PDE3B: variants seen among roughly 807,000 people sequenced by gnomAD.
PDE3B encodes cGMP-inhibited 3',5'-cyclic phosphodiesterase 3B.
PDE3B carries 66 observed loss-of-function variants against 116.8 expected under a neutral mutation model. The observed-to-expected ratio is 0.56, with a 90% CI of 0.46 to 0.69. PDE3B has a LOEUF of 0.69. Among genes scored for constraint, PDE3B ranks in the 30% least tolerant of loss-of-function variants. The probability of loss-of-function intolerance (pLI) is 0.00; values close to 1 mark genes in which losing one functional copy is unlikely to be tolerated. For synonymous variants in PDE3B, 595 were observed against 533.6 expected (o/e 1.12, Z -1.59); for missense variants, 1,384 against 1,368.1 (o/e 1.01, Z -0.18).
At position 14,831,745 on chromosome 11, in the gene PDE3B, A is replaced by T; in HGVS notation, c.2062A>T (p.Met688Leu). The T allele has an allele frequency of 2.5e-6, 4 of 1,605,478 alleles. No homozygotes were observed. Among genetic ancestry groups the T allele is most frequent in the Non-Finnish European group, 3.4e-6 (4 of 1,174,540 alleles). The change falls in exon 9 of 16, where the codon ATG (methionine) becomes TTG (leucine). Residue 688 changes from methionine to leucine, a missense_variant. Around this residue, in one of 2 missense-constraint regions of PDE3B, gnomAD observed 428 missense variants for 561.4 expected, o/e 0.76. Transcript: ENST00000282096. ...TCCAATTTTTGAACTTGTAGAAAAGATGGGAGAGAAATCAGGAAGGATTCT... is the reference window on the plus strand; with the variant it reads ...TCCAATTTTTGAACTTGTAGAAAAGTTGGGAGAGAAATCAGGAAGGATTCT... Reference protein sequence around the residue: ...NFPIFELVEKMGEKSGRILSQ... With the variant: ...NFPIFELVEKLGEKSGRILSQ...
At chr11:14,852,049 T>C (rs1456624728) in intron 12 of PDE3B, among the ~76,000 whole-genome samples, 1 of 152,174 alleles carries the variant, frequency 6.6e-6, no homozygotes, top group African/African-American at 2.4e-5. Context: ...TCCACTCTGC[T>C]GTTTTGTTTT....
At chr11:14,839,459 G>A (rs566162735) in intron 11 of PDE3B, among the ~76,000 whole-genome samples, 140 of 152,342 alleles carry the variant, frequency 9.2e-4, no homozygotes, top group African/African-American at 3.2e-3. Context: ...CTTTTACACA[G>A]GATAAGTAGA....
intron 15 of PDE3B, 23 bp from the exon 16 acceptor site, chr11:14,869,438 T>A (rs368277991): frequency 6.3e-7 from 1 of 1,590,702 alleles, no homozygotes; most frequent in East Asian, 2.2e-5. Context: ...ATGATTAGAA[T>A]ATATTTATTT....
chr11:14,736,813 G>C (rs979970134), intron 1 of PDE3B, among the ~76,000 whole-genome samples: 3 of 152,162 alleles, frequency 2.0e-5, no homozygotes, highest in Admixed American at 6.5e-5. Context: ...ATTGACCTTA[G>C]AAAAGATTAA....
At chr11:14,890,537 C>CCTT in the PDE3B span, 1 of 64,276 alleles carries the variant, frequency 1.6e-5, no homozygotes, top group African/African-American at 6.8e-5. Context: ...TAGACCAATT[C>CCTT]TTTTTTTTTT....
intron 4 of PDE3B, among the ~76,000 whole-genome samples, chr11:14,795,192 C>T (rs1590151108): frequency 6.6e-6 from 1 of 152,188 alleles, no homozygotes; most frequent in East Asian, 1.9e-4. Flanking sequence ...CTAATCCTGT[C>T]TTGGTCTTTC....
At chr11:14,674,422 T>A (rs1321454345) in intron 1 of PDE3B, 1 of 648,550 alleles carries the variant, frequency 1.5e-6, no homozygotes, top group Non-Finnish European at 3.0e-6. Context: ...ACCACTGTAA[T>A]GTATAAAGTA....
At chr11:14,688,726 A>C (rs1854962361) in intron 1 of PDE3B, among the ~76,000 whole-genome samples, 1 of 152,092 alleles carries the variant, frequency 6.6e-6, no homozygotes, top group Admixed American at 6.6e-5. Flanking sequence ...AAGTTATTAC[A>C]GCTAGATCTA....
At chr11:14,816,596 TTGTATTCTTCAC>T (rs1460847215) in intron 5 of PDE3B, among the ~76,000 whole-genome samples, 1 of 152,204 alleles carries the variant, frequency 6.6e-6, no homozygotes, top group Non-Finnish European at 1.5e-5. Flanking sequence ...TAGCACTTGT[TTGTATTCTTCAC>T]TACACTCTAG....
intron 1 of PDE3B, among the ~76,000 whole-genome samples, chr11:14,695,452 TG>T (rs1467544236): frequency 2.0e-5 from 3 of 152,198 alleles, no homozygotes; most frequent in South Asian, 4.1e-4. Flanking sequence ...GTACTAATTT[TG>T]TTGGCTATAT....
At chr11:14,703,939 G>A (rs1478164532) in intron 1 of PDE3B, among the ~76,000 whole-genome samples, 1 of 151,564 alleles carries the variant, frequency 6.6e-6, no homozygotes, top group East Asian at 1.9e-4. Flanking sequence ...GTTTAGCTGG[G>A]TATAGAATTC....
intron 1 of PDE3B, among the ~76,000 whole-genome samples, chr11:14,716,173 A>T (rs1855881922): frequency 6.6e-6 from 1 of 152,108 alleles, no homozygotes; most frequent in African/African-American, 2.4e-5. Flanking sequence ...GCACCTGGAA[A>T]ATCGGGTCAC....
At chr11:14,685,156 A>G (rs1854832147) in intron 1 of PDE3B, among the ~76,000 whole-genome samples, 1 of 152,188 alleles carries the variant, frequency 6.6e-6, no homozygotes, top group East Asian at 1.9e-4. Context: ...TGCAGTAAAG[A>G]CAGGCGTAAG....
rs145399845 is a variant in PDE3B, at chr11:14,790,661, T to G, written c.1415+1419T>G. On this transcript the variant is annotated intron_variant, in intron 4 of 15. Coordinates refer to ENST00000282096, the MANE Select transcript of PDE3B (RefSeq NM_000922.4). ...TATAAAGCTAAATGTAGGTAGATTC[T>G]ATGTAGTGACTTAACTCATTAAAAC... Among the ~76,000 whole-genome samples, 11 of 152,236 alleles carry G rather than the reference T, an allele frequency of 7.2e-5. No individual in the cohort carries two copies. In the East Asian group the frequency reaches 2.1e-3, roughly 29 times the overall value.
intron 1 of PDE3B, among the ~76,000 whole-genome samples, chr11:14,739,701 C>G (rs145709688): frequency 1.3e-5 from 2 of 152,272 alleles, no homozygotes; most frequent in Non-Finnish European, 2.9e-5. Context: ...TGGAATGCTT[C>G]CAGTTTTTGC....
chr11:14,704,836 C>T (rs1855481340), intron 1 of PDE3B, among the ~76,000 whole-genome samples: 1 of 151,240 alleles, frequency 6.6e-6, no homozygotes, highest in African/African-American at 2.4e-5. Context: ...AAAACACAAA[C>T]CATAAAAGAA....
At chr11:14,881,103 A>G in the PDE3B span, among the ~76,000 whole-genome samples, 1 of 152,120 alleles carries the variant, frequency 6.6e-6, no homozygotes, top group African/African-American at 2.4e-5. Context: ...AAGACAAATG[A>G]CCACATGTTC....
intron 1 of PDE3B, among the ~76,000 whole-genome samples, chr11:14,665,458 G>T (rs982714008): frequency 1.2e-4 from 18 of 152,144 alleles, no homozygotes; most frequent in Non-Finnish European, 2.5e-4. Flanking sequence ...TATTCAATTA[G>T]GAAAAGAGGA....
At chr11:14,845,855 A>G (rs994838831) in intron 12 of PDE3B, among the ~76,000 whole-genome samples, 1 of 152,204 alleles carries the variant, frequency 6.6e-6, no homozygotes, top group African/African-American at 2.4e-5. Flanking sequence ...GACCAAATCT[A>G]TGTCTGACTG....
Sources: gnomAD v4.1 joint callset for allele counts (sites outside exome capture counted in the v4.1 genomes callset) on GRCh38, gnomAD v4.1.1 for gene constraint, gnomAD v4.1.1 regional missense constraint, MANE v1.5 for transcripts, NCBI Gene and HGNC (gene_info 2026-07-23, HGNC 2026-07-21) for gene names.